Variants in NUP210L observed in about 807,000 individuals in gnomAD.
NUP210L encodes nucleoporin 210 like.
Under a neutral mutation model 208.5 loss-of-function variants are expected in NUP210L, and 74 were observed. The ratio of observed to expected loss-of-function variants is 0.35; its 90% CI spans 0.29 to 0.43. NUP210L has a LOEUF of 0.43. Among genes scored for constraint, NUP210L ranks in the 20% least tolerant of loss-of-function variants. The probability of loss-of-function intolerance (pLI) is 1.00; values close to 1 mark genes in which losing one functional copy is unlikely to be tolerated. For synonymous variants in NUP210L, 780 were observed against 816.9 expected (o/e 0.95, Z 0.77); for missense variants, 1,843 against 2,289.4 (o/e 0.81, Z 3.98).
At chr1:153,995,891 T>C in intron 37 of NUP210L, 1 of 556,752 alleles carries the variant, frequency 1.8e-6, no homozygotes, top group South Asian at 1.4e-5. Flanking sequence ...GGATCAAGTG[T>C]GCTCTCCTTA....
intron 15 of NUP210L, among the ~76,000 whole-genome samples, chr1:154,093,183 C>T (rs571517231): frequency 5.9e-5 from 9 of 152,078 alleles, no homozygotes; most frequent in Admixed American, 3.3e-4. Flanking sequence ...AATCCCAGCA[C>T]TTTGGGAGGC....
chr1:154,019,738 C>T lies in NUP210L; in HGVS notation c.4517-669G>A, dbSNP rs546756362. Among the ~76,000 whole-genome samples, 7 of 152,182 alleles carry T rather than the reference C, an allele frequency of 4.6e-5. No homozygotes were observed. The East Asian group carries it at 1.4e-3, about 29-fold the overall frequency. On this transcript the variant is annotated intron_variant, in intron 32 of 39. Transcript: ENST00000368559. ...GGTCAGGAGTTCGAGACCAGCCTGA[C>T]CAACATGGTGAAACCCCATCCTACT...
At chr1:153,993,521 G>A (rs1033409872) in intron 38 of NUP210L, among the ~76,000 whole-genome samples, 1 of 151,254 alleles carries the variant, frequency 6.6e-6, no homozygotes, top group African/African-American at 2.4e-5. Flanking sequence ...AGCTGAGATC[G>A]TGCCACTGCA....
chr1:153,995,904 G>A lies in NUP210L; in HGVS notation c.5387-724C>T, dbSNP rs138275533. ...CTGGATCAAGTGTGCTCTCCTTATC[G>A]AGGAGCAGAAAATTGTTGTGAAAGT... On this transcript the variant is annotated intron_variant, in intron 37 of 39. Coordinates refer to ENST00000368559, the Ensembl canonical transcript of NUP210L. 1,749 of 540,532 alleles carry A rather than the reference G, an allele frequency of 3.2e-3. 16 individuals are homozygous for A. Among genetic ancestry groups the A allele is most frequent in the African/African-American group, 0.023 (1,190 of 52,606 alleles). 33.5% of individuals were successfully genotyped at this position (540,532 alleles called of 1,614,324 possible).
intron 15 of NUP210L, among the ~76,000 whole-genome samples, chr1:154,094,328 T>G (rs1305590001): frequency 6.6e-6 from 1 of 151,876 alleles, no homozygotes; most frequent in Non-Finnish European, 1.5e-5. Flanking sequence ...CATGGTGGTG[T>G]GTGCCTGTAA....
intron 3 of NUP210L, among the ~76,000 whole-genome samples, chr1:154,141,766 G>T (rs1384976606): frequency 6.6e-6 from 1 of 152,124 alleles, no homozygotes; most frequent in Non-Finnish European, 1.5e-5. Context: ...TTAACTTCTG[G>T]TTGACAATAA....
At chr1:154,004,506 TA>T (rs1650397598) in intron 35 of NUP210L, among the ~76,000 whole-genome samples, 1 of 152,116 alleles carries the variant, frequency 6.6e-6, no homozygotes. Flanking sequence ...TAGCTGGGAT[TA>T]CAGGTGCCCT....
At chr1:154,054,345 G>C in exon 25 of NUP210L, 2 of 1,614,108 alleles carry the variant, frequency 1.2e-6, no homozygotes. Context: ...CAACAGCCAC[G>C]GTCTGATTAC....
intron 6 of NUP210L, among the ~76,000 whole-genome samples, chr1:154,137,244 G>A (rs1658595899): frequency 6.6e-6 from 1 of 151,948 alleles, no homozygotes; most frequent in African/African-American, 2.4e-5. Context: ...GTAACATAAT[G>A]AGATCCCATT....
At chr1:154,054,246 T>C (rs749697187) in exon 25 of NUP210L, 1 of 1,614,170 alleles carries the variant, frequency 6.2e-7, no homozygotes, top group Non-Finnish European at 8.5e-7. Flanking sequence ...ACACAATGAC[T>C]TTGCCAGTAT....
chr1:154,010,189 A>T, intron 34 of NUP210L, 68 bp from the exon 35 acceptor site: 2 of 1,443,498 alleles, frequency 1.4e-6, no homozygotes, highest in South Asian at 1.3e-5. Flanking sequence ...AGACCATTAT[A>T]TGGAGGCAAT....
rs908348588 is a variant in NUP210L, at chr1:154,029,614, C to T, written c.3855+282G>A. ...CTGAGGCAGGAGAATTACTTGAACGCAGGAGATGGAGGTTGTGGTGAGCCG... is the reference window on the plus strand; with the variant it reads ...CTGAGGCAGGAGAATTACTTGAACGTAGGAGATGGAGGTTGTGGTGAGCCG... On this transcript the variant is annotated intron_variant, in intron 28 of 39. Transcript: ENST00000368559. 2.0e-5 allele frequency among the ~76,000 whole-genome samples: 3 copies of T among 151,878 alleles called. No homozygotes were observed. The East Asian group carries it at 5.8e-4, about 29-fold the overall frequency.
intron 30 of NUP210L, among the ~76,000 whole-genome samples, chr1:154,024,036 G>A (rs1354571079): frequency 1.3e-5 from 2 of 151,868 alleles, no homozygotes; most frequent in African/African-American, 2.4e-5. Context: ...TGATCCACCC[G>A]GCTCGGCCTC....
intron 5 of NUP210L, 113 bp downstream of exon 5, chr1:154,139,689 A>AAC (rs1553242607): frequency 1.3e-3 from 712 of 543,372 alleles, no homozygotes; most frequent in South Asian, 2.3e-3. Flanking sequence ...CAAACAAACA[A>AAC]AAAAAAAAAA....
At chr1:154,036,196 T>C (rs1652532235) in intron 27 of NUP210L, among the ~76,000 whole-genome samples, 1 of 152,034 alleles carries the variant, frequency 6.6e-6, no homozygotes, top group African/African-American at 2.4e-5. Context: ...GTTTCCAAAA[T>C]TCCTCGTTAC....
exon 25 of NUP210L, chr1:154,054,230 G>C: frequency 6.2e-7 from 1 of 1,614,032 alleles, no homozygotes; most frequent in African/African-American, 1.3e-5. Context: ...ACCAATACCT[G>C]AGAAAACACA....
At chr1:154,138,872 A>G (rs1403161026) in intron 5 of NUP210L, among the ~76,000 whole-genome samples, 2 of 152,240 alleles carry the variant, frequency 1.3e-5, no homozygotes, top group Non-Finnish European at 2.9e-5. Context: ...GCTAATATAT[A>G]CTATCAATTA....
exon 18 of NUP210L, chr1:154,061,653 T>C (rs1654146857): frequency 6.2e-7 from 1 of 1,606,012 alleles, no homozygotes; most frequent in South Asian, 1.1e-5. Flanking sequence ...TTTTATCTGA[T>C]GTACTTTAAG....
At chr1:154,126,736 T>C (rs564203234) in intron 9 of NUP210L, among the ~76,000 whole-genome samples, 177 of 152,286 alleles carry the variant, frequency 1.2e-3, no homozygotes, top group Non-Finnish European at 1.3e-3. Flanking sequence ...ATTTTATAAA[T>C]TGACAGTTCT....
Sources: gnomAD v4.1 joint callset for allele counts (sites outside exome capture counted in the v4.1 genomes callset) on GRCh38, gnomAD v4.1.1 for gene constraint, MANE v1.5 for transcripts, NCBI Gene and HGNC (gene_info 2026-07-23, HGNC 2026-07-21) for gene names.